SPAST: variants seen among roughly 807,000 people sequenced by gnomAD.
SPAST encodes the protein spastic paraplegia 4 (autosomal dominant; spastin).
In SPAST, 30 loss-of-function variants were observed where a neutral mutation model predicts 76.6. That is an observed-to-expected ratio of 0.39 (90% CI 0.29 to 0.53). The LOEUF (loss-of-function observed/expected upper bound fraction) is 0.53. SPAST is among the 20% of genes least tolerant of loss of function. The pLI is 0.68. For synonymous variants in SPAST, 305 were observed against 281.0 expected (o/e 1.09, Z -0.86); for missense variants, 717 against 770.5 (o/e 0.93, Z 0.82).
chr2:32,069,272 A>G (rs562462542), intron 1 of SPAST, among the ~76,000 whole-genome samples: 2 of 151,784 alleles, frequency 1.3e-5, no homozygotes, highest in African/African-American at 2.4e-5. Flanking sequence ...TCTATCTTAA[A>G]TTTTTTCTTT....
intron 4 of SPAST, among the ~76,000 whole-genome samples, chr2:32,101,711 G>A (rs934587324): frequency 4.6e-5 from 7 of 152,080 alleles, no homozygotes; most frequent in African/African-American, 1.7e-4. Flanking sequence ...AGTTTTCCCA[G>A]CACCATTTAT....
rs370400099 is a variant in SPAST at position 32,103,152 on chromosome 2, T to C, written c.682+4261T>C. 9.6e-3 allele frequency among the ~76,000 whole-genome samples: 1,457 copies of C among 152,344 alleles called. 27 individuals carry two copies. Among genetic ancestry groups the C allele is most frequent in the South Asian group, 0.049 (239 of 4,830 alleles). On this transcript the variant is annotated intron_variant, in intron 4 of 16. Transcript: ENST00000315285. ...ATTGCCTCAATTTCAGAGCCTGTTA[T>C]TGGTCTATTCAGGGATTCAGCTTCT... is the stretch of plus-strand genomic sequence containing the variant.
Position 32,109,498 on chromosome 2 carries a change from G to C in SPAST, c.683-5140G>C, listed in dbSNP as rs1439795400. 4.0e-5 allele frequency among the ~76,000 whole-genome samples: 6 copies of C among 151,472 alleles called. No homozygotes were observed. In the East Asian group the frequency reaches 1.2e-3, roughly 29 times the overall value. On this transcript the variant is annotated intron_variant, in intron 4 of 16. Transcript: ENST00000315285. ...ACGTAGCAACCTTCACCCCTAGTTT[G>C]GTTTCATATACAGTGTTTTAACTCT...
intron 1 of SPAST, among the ~76,000 whole-genome samples, chr2:32,074,930 TG>T (rs1037186695): frequency 1.3e-5 from 2 of 152,304 alleles, no homozygotes; most frequent in East Asian, 1.9e-4. Flanking sequence ...TATGCTGAGA[TG>T]TTTTTTTAAA....
chr2:32,089,036 G>T (rs191412117), intron 2 of SPAST, among the ~76,000 whole-genome samples: 84 of 152,056 alleles, frequency 5.5e-4, no homozygotes, highest in Middle Eastern at 3.4e-3. Flanking sequence ...ATCATCATGA[G>T]AAACTGTAAC....
intron 4 of SPAST, among the ~76,000 whole-genome samples, chr2:32,110,321 T>C (rs1678505263): frequency 6.7e-6 from 1 of 149,736 alleles, no homozygotes; most frequent in South Asian, 2.1e-4. Flanking sequence ...GGTTTCACCA[T>C]GTTGGCCAGG....
intron 1 of SPAST, among the ~76,000 whole-genome samples, chr2:32,078,168 T>A (rs1046974137): frequency 6.6e-5 from 10 of 151,994 alleles, no homozygotes; most frequent in African/African-American, 2.2e-4. Flanking sequence ...TTTTTTGTAT[T>A]TTTAGTAGAG....
chr2:32,064,126 C>T lies in SPAST; in HGVS notation c.295C>T (p.Pro99Ser), dbSNP rs769360391. Residue 99 changes from proline (P) to serine (S), a missense_variant, in exon 1 of 17, where the codon CCT (proline) becomes TCT (serine). Physicochemically the swap from Pro to Ser is moderately conservative, Grantham distance 74. This residue lies in a region of SPAST where 543 missense variants were observed against 445.2 expected (regional missense o/e 1.22). Coordinates refer to ENST00000315285, the MANE Select transcript of SPAST (RefSeq NM_014946.4). ...AKRSSGAAPA[P>S]ASASAPAPVP... ...GAGGAGCTCCGGGGCCGCGCCAGCACCTGCCTCGGCCTCGGCCCCGGCGCC... is the reference window on the plus strand; with the variant it reads ...GAGGAGCTCCGGGGCCGCGCCAGCATCTGCCTCGGCCTCGGCCCCGGCGCC... 2.5e-6 allele frequency: 4 copies of T among 1,583,862 alleles called. No homozygotes were observed. The highest frequency in any genetic ancestry group is 2.6e-6 in the Non-Finnish European group (3 of 1,165,568).
At chr2:32,131,315 T>G (rs889249671) in intron 9 of SPAST, among the ~76,000 whole-genome samples, 1 of 152,182 alleles carries the variant, frequency 6.6e-6, no homozygotes, top group African/African-American at 2.4e-5. Flanking sequence ...CTAGCACCAC[T>G]TGCACCTCAT....
chr2:32,133,282 A>G (rs114607281), intron 9 of SPAST, among the ~76,000 whole-genome samples: 2,086 of 152,350 alleles, frequency 0.014, 30 homozygotes, highest in Admixed American at 0.021. Context: ...TAGCATAAGT[A>G]TACAGCTGTA....
At chr2:32,072,811 T>C (rs1676805392) in intron 1 of SPAST, among the ~76,000 whole-genome samples, 1 of 152,210 alleles carries the variant, frequency 6.6e-6, no homozygotes, top group Non-Finnish European at 1.5e-5. Flanking sequence ...TGAAAACCTA[T>C]ACCTACCACT....
At chr2:32,145,103 TC>T (rs1679845003) in intron 15 of SPAST, 96 bp downstream of exon 15, 1 of 879,766 alleles carries the variant, frequency 1.1e-6, no homozygotes, top group East Asian at 2.8e-5. Context: ...ATTTTTTTTT[TC>T]TTTTGGAGAC....
intron 7 of SPAST, among the ~76,000 whole-genome samples, chr2:32,124,152 A>G (rs1679114133): frequency 6.6e-6 from 1 of 152,224 alleles, no homozygotes; most frequent in Admixed American, 6.5e-5. Context: ...AAAATATACA[A>G]AGAACTTTTA....
intron 9 of SPAST, among the ~76,000 whole-genome samples, chr2:32,130,838 G>A (rs961848667): frequency 2.6e-5 from 4 of 151,988 alleles, no homozygotes; most frequent in Admixed American, 6.6e-5. Context: ...GTTTTGCAGC[G>A]AGAGAAACTT....
At chr2:32,089,397 T>TTC in intron 2 of SPAST, 125 bp from the exon 3 acceptor site, 1 of 613,598 alleles carries the variant, frequency 1.6e-6, no homozygotes, top group Non-Finnish European at 2.9e-6. Flanking sequence ...ATTTTCTTCT[T>TTC]TTTTTTAAAA....
intron 16 of SPAST, among the ~76,000 whole-genome samples, chr2:32,149,962 T>A (rs909159258): frequency 2.6e-5 from 4 of 151,918 alleles, no homozygotes; most frequent in Non-Finnish European, 5.9e-5. Flanking sequence ...TGTATTCAAG[T>A]ACATTTTGGA....
intron 3 of SPAST, among the ~76,000 whole-genome samples, chr2:32,093,006 CA>C (rs35879561): frequency 2.0e-4 from 25 of 123,012 alleles, no homozygotes; most frequent in Admixed American, 3.4e-4. Flanking sequence ...GACTCCGTCT[CA>C]AAAAAAAAAA....
chr2:32,147,392 G>T, intron 16 of SPAST, 134 bp downstream of exon 16: 2 of 572,686 alleles, frequency 3.5e-6, no homozygotes, highest in Non-Finnish European at 5.9e-6. Flanking sequence ...GCATGATATC[G>T]GCTCACTGCA....
intron 1 of SPAST, among the ~76,000 whole-genome samples, chr2:32,080,240 A>G (rs1677149193): frequency 1.3e-5 from 2 of 152,272 alleles, no homozygotes; most frequent in East Asian, 1.9e-4. Flanking sequence ...AAAAATGTCT[A>G]TTAATGTTCT....
Sources: gnomAD v4.1 joint callset for allele counts (sites outside exome capture counted in the v4.1 genomes callset) on GRCh38, gnomAD v4.1.1 for gene constraint, gnomAD v4.1.1 regional missense constraint, MANE v1.5 for transcripts, NCBI Gene and HGNC (gene_info 2026-07-23, HGNC 2026-07-21) for gene names.